TP53I3: variants seen among roughly 807,000 people sequenced by gnomAD.
The protein encoded by TP53I3 is tumor protein p53 inducible protein 3.
TP53I3 carries 32 observed loss-of-function variants against 27.7 expected under a neutral mutation model. The observed-to-expected ratio is 1.16, with a 90% CI of 0.87 to 1.55. TP53I3 has a LOEUF of 1.55. Ranked by LOEUF, TP53I3 falls within the 40% of genes most tolerant of loss-of-function variation. TP53I3 has a pLI of 0.00. For synonymous variants in TP53I3, 138 were observed against 167.8 expected (o/e 0.82, Z 1.37); for missense variants, 372 against 412.3 (o/e 0.90, Z 0.85).
intron 2 of TP53I3, among the ~76,000 whole-genome samples, chr2:24,081,884 A>G (rs1195141286): frequency 6.6e-6 from 1 of 151,890 alleles, no homozygotes; most frequent in Admixed American, 6.6e-5. Flanking sequence ...TTTAGTAGAG[A>G]TGAAGTTTCA....
rs1558357240 is a variant in TP53I3 at position 24,077,702 on chromosome 2, CT to C, written c.875del (p.Glu292GlyfsTer16). On this transcript the variant is annotated frameshift_variant, in exon 5 of 5. Coordinates refer to ENST00000238721, the MANE Select transcript of TP53I3 (RefSeq NM_004881.5). LOFTEE classifies it high-confidence loss of function. The surrounding 1 kb of genome is among the most constrained non-coding windows in gnomAD (Gnocchi z 5.5). ...TEQILPHFSTEGPQRLLPVLD... is the reference protein window; with the variant it reads ...TEQILPHFSTXGPQRLLPVLD... The stretch of plus-strand genomic sequence containing the variant: ...GAACCGGCAGCAGACGTTGGGGGCC[CT>C]CCGTGGAGAAGTGAGGCAGAATTTG... 1.9e-6 allele frequency: 3 copies of C among 1,614,080 alleles called. No homozygotes were observed. The East Asian group carries it at 6.7e-5, about 36-fold the overall frequency.
At position 24,084,722 on chromosome 2, in the gene TP53I3, G is replaced by A. The variant is rs1289037051; in HGVS notation, c.-396C>T. The A allele has an allele frequency of 6.0e-6, 1 of 167,952 alleles. No homozygotes were observed. The highest frequency in any genetic ancestry group is 1.7e-4 in the East Asian group (1 of 5,816). The allele number at this position is 167,952 out of a possible 1,614,324, so 10.4% of individuals were successfully genotyped here. On this transcript the variant is annotated 5_prime_UTR_variant, in exon 1 of 5. Coordinates refer to ENST00000238721, the MANE Select transcript of TP53I3 (RefSeq NM_004881.5). This position sits in a 1 kb window ranked among gnomAD's most constrained non-coding sequence, Gnocchi z 8.4. The stretch of plus-strand genomic sequence containing the variant: ...ACCCGGGTCCCCGGCGCCCGTATGA[G>A]TTACTTACTCCTGGCCCGGCTCCCC...
chr2:24,082,145 A>G (rs1573720234), intron 2 of TP53I3, among the ~76,000 whole-genome samples: 1 of 152,244 alleles, frequency 6.6e-6, no homozygotes, highest in East Asian at 1.9e-4. Flanking sequence ...ACAGGCATGC[A>G]CCATCATGCC....
At chr2:24,081,098 C>CCTG in intron 2 of TP53I3, 67 bp from the exon 3 acceptor site, 1 of 1,309,752 alleles carries the variant, frequency 7.6e-7, no homozygotes, top group Non-Finnish European at 1.0e-6. Flanking sequence ...CAGGCATATT[C>CCTG]TATCAAGATC....
chr2:24,081,117 G>A (rs530355536), intron 2 of TP53I3, 86 bp from the exon 3 acceptor site: 14 of 895,518 alleles, frequency 1.6e-5, no homozygotes, highest in South Asian at 5.1e-5. Flanking sequence ...TCACCTGGCC[G>A]TTGCACCAAA....
chr2:24,081,130 C>T, intron 2 of TP53I3, 99 bp from the exon 3 acceptor site: 1 of 654,058 alleles, frequency 1.5e-6, no homozygotes, highest in Non-Finnish European at 2.1e-6. Flanking sequence ...GCACCAAATG[C>T]CAAATCAATC....
chr2:24,080,011 A>G lies in TP53I3; in HGVS notation c.620-371T>C, dbSNP rs1476393884. Among the ~76,000 whole-genome samples the G allele has an allele frequency of 1.3e-5, 2 of 152,178 alleles. No homozygotes were observed. The highest frequency in any genetic ancestry group is 2.9e-5 in the Non-Finnish European group (2 of 68,030). ...AGTTAGGAAGTGTCCGCACTAGGTT[A>G]TTGGAATCATAGGCTTTCTAGCTTT... On this transcript the variant is annotated intron_variant, in intron 3 of 4. Coordinates refer to ENST00000238721, the MANE Select transcript of TP53I3 (RefSeq NM_004881.5). This position sits in a 1 kb window ranked among gnomAD's most constrained non-coding sequence, Gnocchi z 4.7.
At position 24,079,439 on chromosome 2, in the gene TP53I3, C is replaced by G; in HGVS notation, c.816+5G>C. On this transcript the variant is annotated splice_donor_5th_base_variant and intron_variant, in intron 4 of 4. Transcript: ENST00000238721. ...TCACATGTTTTCTTTTCATTCATCA[C>G]TCACCTTATTGTCCCTAGACCTCAG... 6.2e-7 allele frequency: 1 copy of G among 1,613,432 alleles called. No homozygotes were observed. The highest frequency in any genetic ancestry group is 8.5e-7 in the Non-Finnish European group (1 of 1,179,642).
chr2:24,082,750 A>C (rs1234235796), intron 2 of TP53I3, 135 bp downstream of exon 2: 2 of 1,239,412 alleles, frequency 1.6e-6, no homozygotes, highest in Non-Finnish European at 2.2e-6. Context: ...CCCTTCTAAC[A>C]TGGTTTGAGG....
chr2:24,084,514 C>A lies in TP53I3; in HGVS notation c.-188G>T. ...TCGCTGCCCTGGTCTGCCGCGGACC[C>A]GGCCTCCGCCCCGAGCTCCTGCCTG... On this transcript the variant is annotated 5_prime_UTR_variant, in exon 1 of 5. Coordinates refer to ENST00000238721, the MANE Select transcript of TP53I3 (RefSeq NM_004881.5). The surrounding 1 kb of genome is among the most constrained non-coding windows in gnomAD (Gnocchi z 8.4). The A allele has an allele frequency of 1.3e-6, 1 of 755,976 alleles. No individual in the cohort carries two copies. Among genetic ancestry groups the A allele is most frequent in the South Asian group, 2.4e-5 (1 of 42,018 alleles). 46.8% of individuals were successfully genotyped at this position (755,976 alleles called of 1,614,324 possible).
intron 1 of TP53I3, among the ~76,000 whole-genome samples, chr2:24,083,849 C>A (rs1403285802): frequency 6.6e-6 from 1 of 152,158 alleles, no homozygotes; most frequent in Non-Finnish European, 1.5e-5. Context: ...ACTGCTTAAC[C>A]TCACTGAACT....
rs760708903 is a variant in TP53I3, at chr2:24,082,909, C to T, written c.382G>A (p.Ala128Thr). ...AAAIPEAWLT[A>T]FQLLHLVGNV... ...CCCACAAGATGTAACAGCTGGAAGGCGGTGAGCCAGGCCTCTGGGATGGCT... is the reference window on the plus strand; with the variant it reads ...CCCACAAGATGTAACAGCTGGAAGGTGGTGAGCCAGGCCTCTGGGATGGCT... Residue 128 changes from alanine (A) to threonine (T), a missense_variant, in exon 2 of 5, where the codon GCC becomes ACC. Physicochemically the swap from Ala to Thr is moderately conservative, Grantham distance 58 (BLOSUM62 0). Coordinates refer to ENST00000238721, the MANE Select transcript of TP53I3 (RefSeq NM_004881.5). The T allele has an allele frequency of 3.0e-5, 49 of 1,610,404 alleles. No individual in the cohort carries two copies. The highest frequency in any genetic ancestry group is 4.0e-4 in the Middle Eastern group (2 of 5,044).
intron 2 of TP53I3, among the ~76,000 whole-genome samples, chr2:24,081,653 C>A (rs1393499521): frequency 6.6e-6 from 1 of 151,764 alleles, no homozygotes; most frequent in Non-Finnish European, 1.5e-5. Context: ...AGTCATCCTT[C>A]ACTACTGAGT....
In TP53I3 at chr2:24,080,377, C is replaced by T. The variant is rs1664945338; in HGVS notation, c.619+442G>A. 6.6e-6 allele frequency among the ~76,000 whole-genome samples: 1 copy of T among 151,430 alleles called. No homozygotes were observed. Among genetic ancestry groups the T allele is most frequent in the African/African-American group, 2.4e-5 (1 of 41,220 alleles). ...CTCAAAAAAAAAAAAGAAAGAGAAA[C>T]GGAAAGGGATGAGCCAAAAATAGAC... is the stretch of plus-strand genomic sequence containing the variant. On this transcript the variant is annotated intron_variant, in intron 3 of 4. Coordinates refer to ENST00000238721, the MANE Select transcript of TP53I3 (RefSeq NM_004881.5). The surrounding 1 kb of genome is among the most constrained non-coding windows in gnomAD (Gnocchi z 4.7).
chr2:24,082,858 G>A, intron 2 of TP53I3, 27 bp downstream of exon 2: 1 of 1,580,746 alleles, frequency 6.3e-7, no homozygotes, highest in Non-Finnish European at 8.6e-7. Flanking sequence ...GCCACATTGT[G>A]TGGAGTGAGC....
rs1230907585 is a variant in TP53I3 at position 24,080,680 on chromosome 2, T to C, written c.619+139A>G. 1 of 882,268 alleles carries C rather than the reference T, an allele frequency of 1.1e-6. No individual in the cohort carries two copies. Among genetic ancestry groups the C allele is most frequent in the African/African-American group, 1.7e-5 (1 of 59,742 alleles). The allele number at this position is 882,268 out of a possible 1,614,324, so 54.7% of individuals were successfully genotyped here. On this transcript the variant is annotated intron_variant, in intron 3 of 4. Coordinates refer to ENST00000238721, the MANE Select transcript of TP53I3 (RefSeq NM_004881.5). The surrounding 1 kb of genome is among the most constrained non-coding windows in gnomAD (Gnocchi z 4.7). ...TGTCTCCAGTGGTCAAATACCATAG[T>C]ACTAGAATTTGGCCAGGGCAGCTGT...
chr2:24,077,722 G>A lies in TP53I3; in HGVS notation c.856C>T (p.Leu286=), dbSNP rs1207847748. The change falls in exon 5 of 5, where the codon CTG becomes TTG. Residue 286 remains leucine (L), a synonymous_variant. Coordinates refer to ENST00000238721, the MANE Select transcript of TP53I3 (RefSeq NM_004881.5). This position sits in a 1 kb window ranked among gnomAD's most constrained non-coding sequence, Gnocchi z 5.5. ...GGGCCCTCCGTGGAGAAGTGAGGCA[G>A]AATTTGCTCCGTGAAAGCATTCACC... ...MLVNAFTEQI[L]PHFSTEGPQR... 6.2e-7 allele frequency: 1 copy of A among 1,613,906 alleles called. No homozygotes were observed. Among genetic ancestry groups the A allele is most frequent in the Non-Finnish European group, 8.5e-7 (1 of 1,179,962 alleles).
rs765994186 is a variant in TP53I3, at chr2:24,084,370, G to A, written c.-44C>T. Reference sequence around the variant, plus strand: ...GCAGGGCAGGGCAGGACAGGACAGGGCAGGGCAGGGCAGGACAGGACAGGG... The same window carrying A: ...GCAGGGCAGGGCAGGACAGGACAGGACAGGGCAGGGCAGGACAGGACAGGG... On this transcript the variant is annotated 5_prime_UTR_variant, in exon 1 of 5. Coordinates refer to ENST00000238721, the MANE Select transcript of TP53I3 (RefSeq NM_004881.5). The surrounding 1 kb of genome is among the most constrained non-coding windows in gnomAD (Gnocchi z 8.4). 7.8e-5 allele frequency: 120 copies of A among 1,530,172 alleles called. No individual in the cohort carries two copies. The South Asian group carries it at 1.0e-3, about 13-fold the overall frequency. The allele number at this position is 1,530,172 out of a possible 1,614,324, so 94.8% of individuals were successfully genotyped here.
At position 24,078,289 on chromosome 2, in the gene TP53I3, A is replaced by G. The variant is rs532653532; in HGVS notation, c.817-528T>C. On this transcript the variant is annotated intron_variant, in intron 4 of 4. Coordinates refer to ENST00000238721, the MANE Select transcript of TP53I3 (RefSeq NM_004881.5). The stretch of plus-strand genomic sequence containing the variant: ...ATTTATTGTTCTTTGTCTAAAAATT[A>G]CAAAAGCATCTTACTTTGGCCGAAT... Among the ~76,000 whole-genome samples the G allele has an allele frequency of 2.0e-5, 3 of 152,228 alleles. No individual in the cohort carries two copies. In the South Asian group the frequency reaches 6.2e-4, roughly 32 times the overall value.
Sources: allele counts gnomAD v4.1 joint callset (sites outside exome capture counted in the v4.1 genomes callset), GRCh38; gene constraint gnomAD v4.1.1; non-coding constraint Gnocchi (gnomAD v3.1); transcripts MANE v1.5; gene names NCBI Gene and HGNC (gene_info 2026-07-23, HGNC 2026-07-21).